DAB1: variants seen among roughly 807,000 people sequenced by gnomAD.
DAB1 encodes the protein disabled homolog 1.
In DAB1, 15 loss-of-function variants were observed where a neutral mutation model predicts 64.6. The ratio of observed to expected loss-of-function variants is 0.23; its 90% CI spans 0.16 to 0.36. DAB1 has a LOEUF of 0.36. Ranked by LOEUF, DAB1 falls within the 10% of genes least tolerant of loss-of-function variation. The pLI is 1.00. For synonymous variants in DAB1, 235 were observed against 251.9 expected, an observed-to-expected ratio of 0.93 and a Z score of 0.64; for missense variants, 596 against 706.7, an observed-to-expected ratio of 0.84 and a Z score of 1.78.
intron 7 of DAB1, among the ~76,000 whole-genome samples, chr1:57,619,426 A>C (rs1645829361): frequency 6.6e-6 from 1 of 152,136 alleles, no homozygotes; most frequent in Non-Finnish European, 1.5e-5. Flanking sequence ...TTTGAGACAG[A>C]ATCTTGCTCT....
chr1:58,166,644 T>C (rs1444484044), intron 4 of DAB1, among the ~76,000 whole-genome samples: 2 of 152,280 alleles, frequency 1.3e-5, no homozygotes, highest in East Asian at 3.9e-4. Context: ...TTTTCCTATA[T>C]GTTTTCATAT....
chr1:57,922,976 C>T (rs927813887), intron 5 of DAB1, among the ~76,000 whole-genome samples: 9 of 151,514 alleles, frequency 5.9e-5, no homozygotes, highest in African/African-American at 2.2e-4. Flanking sequence ...TTCTTCCTCC[C>T]TCCCTCCCTC....
intron 2 of DAB1, among the ~76,000 whole-genome samples, chr1:57,255,839 C>T (rs1004672156): frequency 3.9e-5 from 6 of 152,202 alleles, no homozygotes; most frequent in African/African-American, 1.4e-4. Context: ...TAAATATCTA[C>T]TGATTAAGCA....
At chr1:58,514,351 C>T (rs1246559891) in intron 2 of DAB1, among the ~76,000 whole-genome samples, 2 of 152,096 alleles carry the variant, frequency 1.3e-5, no homozygotes, top group East Asian at 1.9e-4. Context: ...CAAAACAATA[C>T]TAGAGAAATA....
chr1:58,515,477 T>C (rs1569930101), intron 2 of DAB1, among the ~76,000 whole-genome samples: 1 of 152,216 alleles, frequency 6.6e-6, no homozygotes, highest in East Asian at 1.9e-4. Flanking sequence ...GGTAAAGTTT[T>C]ATCATAAGAC....
At chr1:57,300,664 C>T (rs950848606) in intron 1 of DAB1, among the ~76,000 whole-genome samples, 4 of 152,114 alleles carry the variant, frequency 2.6e-5, no homozygotes, top group African/African-American at 4.8e-5. Context: ...GCCAGTGAGG[C>T]GCTTGAAACG....
chr1:57,803,152 G>GA (rs548587336), intron 6 of DAB1, among the ~76,000 whole-genome samples: 141 of 152,198 alleles, frequency 9.3e-4, no homozygotes, highest in African/African-American at 3.1e-3. Flanking sequence ...GAAATTGATG[G>GA]AAAAAATGGA....
intron 5 of DAB1, among the ~76,000 whole-genome samples, chr1:57,974,493 T>G (rs539650937): frequency 2.2e-4 from 33 of 151,976 alleles, no homozygotes; most frequent in African/African-American, 7.2e-4. Flanking sequence ...GAATGTTATA[T>G]ATATATAGAT....
At chr1:58,424,955 T>A (rs923860095) in intron 3 of DAB1, among the ~76,000 whole-genome samples, 3 of 152,160 alleles carry the variant, frequency 2.0e-5, no homozygotes, top group African/African-American at 7.2e-5. Flanking sequence ...GTGGAGGCAA[T>A]CCTATGTTTT....
chr1:57,988,494 G>T (rs1341353057), intron 5 of DAB1, among the ~76,000 whole-genome samples: 2 of 152,210 alleles, frequency 1.3e-5, no homozygotes, highest in South Asian at 2.1e-4. Context: ...GGAACCTTGA[G>T]TTCCCTCCCC....
At chr1:57,674,132 T>A (rs1214620787) in intron 6 of DAB1, among the ~76,000 whole-genome samples, 2 of 152,056 alleles carry the variant, frequency 1.3e-5, no homozygotes, top group African/African-American at 4.8e-5. Flanking sequence ...GTGTTGGGGG[T>A]GGAAAATGTG....
chr1:57,171,611 A>T (rs1661774509), intron 2 of DAB1, among the ~76,000 whole-genome samples: 2 of 152,222 alleles, frequency 1.3e-5, no homozygotes, highest in African/African-American at 4.8e-5. Flanking sequence ...CCACAGCAGG[A>T]TGTGTGCACA....
Position 57,528,640 on chromosome 1 carries a change from A to G in DAB1, n.625+120952T>C, listed in dbSNP as rs1007399807. ...TGGAAAATATTAAAAGCAGCAGGACACACACACACACACACACACACACAC... is the reference window on the plus strand; with the variant it reads ...TGGAAAATATTAAAAGCAGCAGGACGCACACACACACACACACACACACAC... On this transcript the variant is annotated intron_variant and non_coding_transcript_variant, in intron 7 of 20. Transcript: ENST00000485760. Among the ~76,000 whole-genome samples, 779 of 87,124 alleles carry G rather than the reference A, an allele frequency of 8.9e-3. 3 individuals are homozygous for G. Among genetic ancestry groups the G allele is most frequent in the African/African-American group, 0.028 (727 of 26,278 alleles). 57.2% of individuals were successfully genotyped at this position (87,124 alleles called of 152,430 possible). A position where few individuals can be genotyped will look rare whatever the true frequency, so the allele number is the denominator to read the frequency against.
At chr1:57,776,680 C>T (rs1022099430) in intron 6 of DAB1, among the ~76,000 whole-genome samples, 2 of 151,654 alleles carry the variant, frequency 1.3e-5, no homozygotes, top group Non-Finnish European at 3.0e-5. Context: ...TGTCTAACTT[C>T]AGATAATATT....
At chr1:57,784,221 C>T (rs549675612) in intron 6 of DAB1, among the ~76,000 whole-genome samples, 7 of 152,136 alleles carry the variant, frequency 4.6e-5, no homozygotes, top group Non-Finnish European at 7.4e-5. Context: ...ATGGCAAGAC[C>T]GTTTCTACAA....
chr1:57,923,130 A>C (rs571016288), intron 5 of DAB1, among the ~76,000 whole-genome samples: 1 of 151,604 alleles, frequency 6.6e-6, no homozygotes, highest in African/African-American at 2.4e-5. Flanking sequence ...CCTGAAGCTG[A>C]CTCTTCTGTC....
At chr1:57,990,983 C>T (rs1345143413) in intron 5 of DAB1, among the ~76,000 whole-genome samples, 6 of 152,286 alleles carry the variant, frequency 3.9e-5, no homozygotes, top group Non-Finnish European at 2.9e-5. Flanking sequence ...GAGGATGAGA[C>T]GTGGCATTTG....
intron 1 of DAB1, among the ~76,000 whole-genome samples, chr1:57,395,517 C>T (rs1264217071): frequency 3.3e-5 from 5 of 152,128 alleles, no homozygotes; most frequent in South Asian, 2.1e-4. Flanking sequence ...ATTGTTTTAC[C>T]TATGACACCC....
chr1:57,906,391 C>A (rs2102001778), intron 5 of DAB1, among the ~76,000 whole-genome samples: 1 of 152,236 alleles, frequency 6.6e-6, no homozygotes, highest in East Asian at 1.9e-4. Context: ...AAGTAACTTG[C>A]CTATGGTCCC....
Sources: allele counts gnomAD v4.1 joint callset (sites outside exome capture counted in the v4.1 genomes callset), GRCh38; gene constraint gnomAD v4.1.1; transcripts MANE v1.5; gene names NCBI Gene and HGNC (gene_info 2026-07-23, HGNC 2026-07-21).